The following CALN1 variants were observed in gnomAD, a reference collection of about 807,000 sequenced individuals.
CALN1 encodes the protein calneuron 1.
Under a neutral mutation model 30.6 loss-of-function variants are expected in CALN1, and 17 were observed. The ratio of observed to expected loss-of-function variants is 0.56; its 90% CI spans 0.38 to 0.83. The LOEUF (loss-of-function observed/expected upper bound fraction) is 0.83, where lower values mean the gene tolerates loss of function less well. Among genes scored for constraint, CALN1 ranks in the 40% least tolerant of loss-of-function variants. The pLI, the probability that CALN1 is intolerant of heterozygous loss-of-function variation, is 0.00. For synonymous variants in CALN1, 156 were observed against 131.4 expected (o/e 1.19, Z -1.28); for missense variants, 291 against 354.9 (o/e 0.82, Z 1.45).
chr7:72,391,461 A>G (rs1805572939), intron 2 of CALN1, among the ~76,000 whole-genome samples: 2 of 140,248 alleles, frequency 1.4e-5, no homozygotes, highest in South Asian at 2.4e-4. Context: ...CCAGGCAGCA[A>G]AAGGACCCAG....
intron 3 of CALN1, among the ~76,000 whole-genome samples, chr7:72,114,823 G>A (rs1016600059): frequency 6.6e-6 from 1 of 151,994 alleles, no homozygotes; most frequent in Non-Finnish European, 1.5e-5. Context: ...GCGAAACCCC[G>A]TCTCTACTAA....
intron 3 of CALN1, among the ~76,000 whole-genome samples, chr7:72,248,624 C>A (rs1795345925): frequency 1.3e-5 from 2 of 152,134 alleles, no homozygotes; most frequent in South Asian, 4.1e-4. Flanking sequence ...TATTCCCACC[C>A]AGATAACCTC....
At chr7:72,170,849 A>G (rs1788900226) in intron 3 of CALN1, among the ~76,000 whole-genome samples, 1 of 152,178 alleles carries the variant, frequency 6.6e-6, no homozygotes, top group Non-Finnish European at 1.5e-5. Context: ...CAGGATGCTG[A>G]ACAATGAATA....
intron 2 of CALN1, among the ~76,000 whole-genome samples, chr7:72,402,984 T>C (rs1402734945): frequency 6.6e-6 from 1 of 152,204 alleles, no homozygotes; most frequent in African/African-American, 2.4e-5. Context: ...GTATTTGTCA[T>C]TGTTCACCTG....
At chr7:71,976,876 C>T (rs1279414236) in intron 5 of CALN1, among the ~76,000 whole-genome samples, 1 of 152,104 alleles carries the variant, frequency 6.6e-6, no homozygotes, top group Non-Finnish European at 1.5e-5. Context: ...CAGACTAACT[C>T]CCCCTGCAAT....
chr7:72,367,119 C>T (rs913935495), intron 2 of CALN1, among the ~76,000 whole-genome samples: 3 of 150,580 alleles, frequency 2.0e-5, no homozygotes, highest in Non-Finnish European at 4.4e-5. Context: ...TAAAAAAAAA[C>T]AGGCAAAAGA....
intron 3 of CALN1, among the ~76,000 whole-genome samples, chr7:72,243,628 A>G (rs574186230): frequency 6.6e-6 from 1 of 152,206 alleles, no homozygotes; most frequent in East Asian, 1.9e-4. Flanking sequence ...ACTCACTGTC[A>G]GGACTTAGTG....
intron 2 of CALN1, among the ~76,000 whole-genome samples, chr7:72,279,628 GAA>G (rs1314225832): frequency 1.3e-5 from 2 of 152,170 alleles, no homozygotes; most frequent in African/African-American, 4.8e-5. Context: ...CCAGGCTACG[GAA>G]AAAAGAGATG....
chr7:72,208,570 C>T (rs1792063343), intron 3 of CALN1, among the ~76,000 whole-genome samples: 1 of 152,180 alleles, frequency 6.6e-6, no homozygotes, highest in Non-Finnish European at 1.5e-5. Flanking sequence ...TAAAAAAATA[C>T]ATCAATATGT....
intron 5 of CALN1, among the ~76,000 whole-genome samples, chr7:71,990,367 C>A (rs937638659): frequency 6.6e-6 from 1 of 152,132 alleles, no homozygotes; most frequent in African/African-American, 2.4e-5. Flanking sequence ...ATAATCCATC[C>A]GTCGTTTAGC....
chr7:72,371,318 C>T (rs2129560316), intron 2 of CALN1, among the ~76,000 whole-genome samples: 1 of 152,140 alleles, frequency 6.6e-6, no homozygotes, highest in African/African-American at 2.4e-5. Context: ...AGGCTGTGTC[C>T]CTACCCAAAT....
chr7:72,192,000 G>GTTA (rs1267603712), intron 3 of CALN1, among the ~76,000 whole-genome samples: 14 of 152,096 alleles, frequency 9.2e-5, no homozygotes, highest in African/African-American at 2.7e-4. Flanking sequence ...AAAAACCACA[G>GTTA]TTACTTTTGC....
intron 2 of CALN1, 148 bp from the exon 3 acceptor site, chr7:72,278,958 C>T (rs1160906437): frequency 4.9e-6 from 6 of 1,215,192 alleles, no homozygotes; most frequent in Non-Finnish European, 6.8e-6. Context: ...AAGATATTTC[C>T]AGGGTCCCAA....
intron 5 of CALN1, among the ~76,000 whole-genome samples, chr7:71,866,358 ATATT>A (rs1214468174): frequency 7.2e-5 from 11 of 151,970 alleles, no homozygotes; most frequent in Admixed American, 1.3e-4. Flanking sequence ...GCAATATTAT[ATATT>A]TATTATCTGT....
In CALN1 at chr7:72,274,221, T is replaced by C. The variant is rs1797193285; in HGVS notation, c.244+4465A>G. 2.0e-5 allele frequency among the ~76,000 whole-genome samples: 3 copies of C among 152,106 alleles called. No homozygotes were observed. The South Asian group carries it at 6.2e-4, about 32-fold the overall frequency. On this transcript the variant is annotated intron_variant, in intron 3 of 6. Transcript: ENST00000395275. Reference sequence around the variant, plus strand: ...ATTTAGTTTAAGATTAAGATAGCATTACAAGGCCAAGCACAGGGTCTCACG... The same window carrying C: ...ATTTAGTTTAAGATTAAGATAGCATCACAAGGCCAAGCACAGGGTCTCACG...
chr7:72,477,091 AT>A, the CALN1 span, among the ~76,000 whole-genome samples: 1 of 152,176 alleles, frequency 6.6e-6, no homozygotes, highest in Non-Finnish European at 1.5e-5. Context: ...CGCACTTGTA[AT>A]TCCAGCTACT....
At chr7:72,295,557 T>C (rs1260685362) in intron 2 of CALN1, among the ~76,000 whole-genome samples, 1 of 147,238 alleles carries the variant, frequency 6.8e-6, no homozygotes, top group Non-Finnish European at 1.5e-5. Flanking sequence ...GGTTTGTAGT[T>C]CTCCTTGAAG....
chr7:71,926,663 T>C (rs1795285648), intron 5 of CALN1, among the ~76,000 whole-genome samples: 2 of 152,244 alleles, frequency 1.3e-5, no homozygotes, highest in African/African-American at 2.4e-5. Flanking sequence ...CCCGTTGATC[T>C]TGGATGCTCT....
intron 2 of CALN1, among the ~76,000 whole-genome samples, chr7:72,342,387 A>G (rs1294730087): frequency 6.6e-6 from 1 of 152,214 alleles, no homozygotes; most frequent in Non-Finnish European, 1.5e-5. Flanking sequence ...GCAGGTTTAC[A>G]GGCCCTGGCA....
Sources: gnomAD v4.1 joint callset for allele counts (sites outside exome capture counted in the v4.1 genomes callset) on GRCh38, gnomAD v4.1.1 for gene constraint, MANE v1.5 for transcripts, NCBI Gene and HGNC (gene_info 2026-07-23, HGNC 2026-07-21) for gene names.